GUCY2F: variants seen among roughly 807,000 people sequenced by gnomAD.
GUCY2F encodes guanylate cyclase 2F, retinal.
GUCY2F carries 61 observed loss-of-function variants against 73.1 expected under a neutral mutation model. The ratio of observed to expected loss-of-function variants is 0.83; its 90% CI spans 0.68 to 1.03. The LOEUF (loss-of-function observed/expected upper bound fraction) is 1.03, where lower values mean the gene tolerates loss of function less well. Ranked by LOEUF, GUCY2F falls within the 50% of genes least tolerant of loss-of-function variation. The probability of loss-of-function intolerance (pLI) is 0.00; values close to 1 mark genes in which losing one functional copy is unlikely to be tolerated. For missense variants in GUCY2F, 912 were observed against 854.3 expected (o/e 1.07, Z -0.84); for synonymous variants, 331 against 307.8 (o/e 1.08, Z -0.79).
intron 3 of GUCY2F, among the ~76,000 whole-genome samples, chrX:109,456,499 C>T (rs970440204): frequency 1.1e-4 from 12 of 111,178 alleles, no homozygotes; most frequent in Non-Finnish European, 3.8e-5. Context: ...ACATTCCCAC[C>T]TCTGAGTTGA....
chrX:109,474,308 G>C (rs905844947), intron 2 of GUCY2F, among the ~76,000 whole-genome samples: 3 of 111,680 alleles, frequency 2.7e-5, no homozygotes, highest in Non-Finnish European at 5.6e-5. Flanking sequence ...AATGAGCAGC[G>C]TTCCCATGAA....
rs182777644 is a variant in GUCY2F, at chrX:109,460,191, G to A, written c.1032+4951C>T. ...TATCTTATAGTATTTCCAGAGAGAA[G>A]AAAGACAATGTTGTTGAAGAAATTA... On this transcript the variant is annotated intron_variant, in intron 3 of 19. Coordinates refer to ENST00000218006, the MANE Select transcript of GUCY2F (RefSeq NM_001522.3). Among the ~76,000 whole-genome samples the A allele has an allele frequency of 8.2e-3, 914 of 111,259 alleles. 15 individuals carry two copies. Among genetic ancestry groups the A allele is most frequent in the Non-Finnish European group, 1.0e-2 (529 of 52,902 alleles).
At chrX:109,471,734 CTG>C (rs1319092363) in intron 2 of GUCY2F, among the ~76,000 whole-genome samples, 4 of 112,551 alleles carry the variant, frequency 3.6e-5, no homozygotes, top group African/African-American at 1.3e-4. Flanking sequence ...TCCCCCTACT[CTG>C]AGACTTTATT....
At chrX:109,411,409 G>A (rs1407356290) in intron 8 of GUCY2F, among the ~76,000 whole-genome samples, 2 of 111,375 alleles carry the variant, frequency 1.8e-5, no homozygotes, top group Non-Finnish European at 3.8e-5. Context: ...AAGATTCATG[G>A]TATAACTTGT....
intron 17 of GUCY2F, among the ~76,000 whole-genome samples, chrX:109,378,191 G>T (rs1265182781): frequency 5.4e-5 from 6 of 111,327 alleles, no homozygotes; most frequent in African/African-American, 2.0e-4. Context: ...TGGAATGTAG[G>T]TTAATTATTA....
intron 10 of GUCY2F, among the ~76,000 whole-genome samples, chrX:109,402,167 C>T (rs1433055861): frequency 9.0e-6 from 1 of 111,078 alleles, no homozygotes; most frequent in African/African-American, 3.3e-5. Flanking sequence ...ATCCATACTG[C>T]CACTGCAATT....
intron 3 of GUCY2F, among the ~76,000 whole-genome samples, chrX:109,454,253 A>C (rs967841017): frequency 8.9e-6 from 1 of 111,866 alleles, no homozygotes; most frequent in Non-Finnish European, 1.9e-5. Context: ...TGGTAAAATC[A>C]TTTTGCTGGC....
chrX:109,425,814 T>A (rs1015967114), intron 8 of GUCY2F, among the ~76,000 whole-genome samples: 2 of 111,247 alleles, frequency 1.8e-5, no homozygotes, highest in African/African-American at 6.5e-5. Flanking sequence ...TAAATTTTTT[T>A]AAGAAATTAA....
intron 17 of GUCY2F, among the ~76,000 whole-genome samples, chrX:109,379,871 A>C (rs902582345): frequency 8.9e-6 from 1 of 112,419 alleles, no homozygotes; most frequent in African/African-American, 3.2e-5. Flanking sequence ...TGGGCCCAAG[A>C]GGCTGAGCTT....
intron 8 of GUCY2F, among the ~76,000 whole-genome samples, chrX:109,418,263 G>A (rs1164520357): frequency 8.9e-6 from 1 of 111,786 alleles, no homozygotes; most frequent in Non-Finnish European, 1.9e-5. Context: ...TGACAAAAAT[G>A]CAGTAAGGAT....
chrX:109,375,561 A>G (rs1377476775), intron 19 of GUCY2F, among the ~76,000 whole-genome samples: 1 of 112,323 alleles, frequency 8.9e-6, no homozygotes, highest in Non-Finnish European at 1.9e-5. Flanking sequence ...GATGTGGCTC[A>G]CCATGTGGCC....
chrX:109,380,846 C>T (rs1235372335), intron 17 of GUCY2F, among the ~76,000 whole-genome samples: 1 of 112,175 alleles, frequency 8.9e-6, no homozygotes, highest in African/African-American at 3.2e-5. Context: ...GGGGCCTCTG[C>T]CCAGCAATGC....
Position 109,443,846 on chromosome X carries a change from T to G in GUCY2F, c.1570-2364A>C, listed in dbSNP as rs181139313. On this transcript the variant is annotated intron_variant, in intron 6 of 19. Coordinates refer to ENST00000218006, the MANE Select transcript of GUCY2F (RefSeq NM_001522.3). ...GCTTTTGACTGAAACTTTACTATATTTTGCTACATTTAGACAATAACTTCT... is the reference window on the plus strand; with the variant it reads ...GCTTTTGACTGAAACTTTACTATATGTTGCTACATTTAGACAATAACTTCT... Among the ~76,000 whole-genome samples, 12 of 112,404 alleles carry G rather than the reference T, an allele frequency of 1.1e-4. No individual in the cohort carries two copies. The East Asian group carries it at 3.3e-3, about 31-fold the overall frequency.
At chrX:109,436,964 A>T (rs1031514010) in intron 7 of GUCY2F, among the ~76,000 whole-genome samples, 2 of 110,076 alleles carry the variant, frequency 1.8e-5, no homozygotes, top group South Asian at 3.9e-4. Flanking sequence ...AAGAAGAAAA[A>T]AAAGAAAATA....
intron 10 of GUCY2F, among the ~76,000 whole-genome samples, chrX:109,402,857 G>A (rs768425774): frequency 1.8e-5 from 2 of 111,662 alleles, no homozygotes; most frequent in African/African-American, 6.5e-5. Context: ...CTTATAAAGA[G>A]CAAAGTCTTA....
chrX:109,392,964 A>G lies in GUCY2F; in HGVS notation c.2516T>C (p.Ile839Thr), dbSNP rs1216448806. 1 of 1,167,461 alleles carries G rather than the reference A, an allele frequency of 8.6e-7. No individual in the cohort carries two copies. The highest frequency in any genetic ancestry group is 1.8e-5 in the South Asian group (1 of 55,966). The change falls in exon 13 of 20, where the codon ATT becomes ACT. Residue 839 changes from isoleucine to threonine, a missense_variant. Physicochemically the swap from Ile to Thr is moderately conservative, Grantham distance 89. Coordinates refer to ENST00000218006, the MANE Select transcript of GUCY2F (RefSeq NM_001522.3). ...EQYSSNLEDL[I>T]RERTEELEIE... Reference sequence around the variant, plus strand: ...TTCCAGCTCTTCAGTCCGCTCCCGAATCAAATCTTCCAAGTTGCTAGAATA... The same window carrying G: ...TTCCAGCTCTTCAGTCCGCTCCCGAGTCAAATCTTCCAAGTTGCTAGAATA...
chrX:109,442,295 C>T (rs1931891886), intron 6 of GUCY2F, among the ~76,000 whole-genome samples: 1 of 111,333 alleles, frequency 9.0e-6, no homozygotes, highest in Non-Finnish European at 1.9e-5. Context: ...CTCATATTCT[C>T]CATACCTCCA....
chrX:109,385,164 T>C lies in GUCY2F; in HGVS notation c.3055+20A>G. 1.1e-6 allele frequency: 1 copy of C among 880,960 alleles called. No individual in the cohort carries two copies. Among genetic ancestry groups the C allele is most frequent in the Non-Finnish European group, 1.7e-6 (1 of 603,797 alleles). 72.6% of individuals were successfully genotyped at this position (880,960 alleles called of 1,213,427 possible). A position where few individuals can be genotyped will look rare whatever the true frequency, so the allele number is the denominator to read the frequency against. ...TAGCAGAGTGGTGCCATCCTATCCA[T>C]CTCTCTATTAGGTACTCACGTAAGC... On this transcript the variant is annotated intron_variant, in intron 16 of 19. Coordinates refer to ENST00000218006, the MANE Select transcript of GUCY2F (RefSeq NM_001522.3).
intron 8 of GUCY2F, among the ~76,000 whole-genome samples, chrX:109,426,902 G>C (rs1189988872): frequency 8.9e-6 from 1 of 112,159 alleles, no homozygotes; most frequent in East Asian, 2.8e-4. Flanking sequence ...GGAGGACCAT[G>C]ATACATATCC....
Sources: gnomAD v4.1 joint callset for allele counts (sites outside exome capture counted in the v4.1 genomes callset) on GRCh38, gnomAD v4.1.1 for gene constraint, MANE v1.5 for transcripts, NCBI Gene and HGNC (gene_info 2026-07-23, HGNC 2026-07-21) for gene names.